The following SMAD2 variants were observed in gnomAD, a reference collection of about 807,000 sequenced individuals.
The protein encoded by SMAD2 is MAD homolog 2.
Under a neutral mutation model 64.4 loss-of-function variants are expected in SMAD2, and 8 were observed. That is an observed-to-expected ratio of 0.12 (90% CI 0.07 to 0.22). The LOEUF is 0.22. Among genes scored for constraint, SMAD2 ranks in the 10% least tolerant of loss-of-function variants. SMAD2 has a pLI of 1.00. For missense variants in SMAD2, 289 were observed against 561.2 expected (o/e 0.51, Z 4.90); for synonymous variants, 203 against 195.8 (o/e 1.04, Z -0.31).
Position 47,826,092 on chromosome 18 carries a change from C to G in SMAD2, c.*15735G>C. The stretch of plus-strand genomic sequence containing the variant: ...ATGTGATAATGGCCAGGAGCAACCA[C>G]AATGATTAACCTTTAGATAGAAAAC... On this transcript the variant is annotated 3_prime_UTR_variant, in exon 11 of 11. Coordinates refer to ENST00000262160, the MANE Select transcript of SMAD2 (RefSeq NM_005901.6). 6.6e-6 allele frequency: 1 copy of G among 152,218 alleles called. No homozygotes were observed. Among genetic ancestry groups the G allele is most frequent in the Non-Finnish European group, 1.5e-5 (1 of 68,052 alleles). The allele number at this position is 152,218 out of a possible 1,614,324, so 9.4% of individuals were successfully genotyped here.
rs2282656 is a variant in SMAD2 at position 47,848,683 on chromosome 18, T to C, written c.789A>G (p.Leu263=). 1.4e-4 allele frequency: 231 copies of C among 1,607,872 alleles called. No individual in the cohort carries two copies. The East Asian group carries it at 4.7e-3, about 33-fold the overall frequency. ...TLSPVNHSLD[L]QPVTYSEPAF... ...CAGGTTCTGAGTAAGTAACTGGCTG[T>C]AAATCTGAAAAAGAAAAAAATAAAA... is the stretch of plus-strand genomic sequence containing the variant. The change falls in exon 8 of 11, where the codon TTA becomes TTG. Residue 263 remains leucine (L), a synonymous_variant. Coordinates refer to ENST00000262160, the MANE Select transcript of SMAD2 (RefSeq NM_005901.6).
In SMAD2 at chr18:47,813,781, G is replaced by C. The variant is rs1263672208; in HGVS notation, c.*28046C>G. 1 of 130,988 alleles carries C rather than the reference G, an allele frequency of 7.6e-6. No individual in the cohort carries two copies. The highest frequency in any genetic ancestry group is 2.9e-5 in the African/African-American group (1 of 34,596). 8.1% of individuals were successfully genotyped at this position (130,988 alleles called of 1,614,324 possible). A position where few individuals can be genotyped will look rare whatever the true frequency, so the allele number is the denominator to read the frequency against. ...TGATCAGGCTGGAAACCTGGGTCTT[G>C]AATAATGGATACATTTGGAAGTGCA... On this transcript the variant is annotated 3_prime_UTR_variant, in exon 11 of 11. Transcript: ENST00000262160.
In SMAD2 at chr18:47,818,941, C is replaced by T. The variant is rs1252884600; in HGVS notation, c.*22886G>A. ...GCAAGCCTGTATTACTATCGTATGA[C>T]TAAAATTCTAAAATGAAAGCTATGT... On this transcript the variant is annotated 3_prime_UTR_variant, in exon 11 of 11. Coordinates refer to ENST00000262160, the MANE Select transcript of SMAD2 (RefSeq NM_005901.6). 1.3e-5 allele frequency: 2 copies of T among 152,180 alleles called. No homozygotes were observed. The highest frequency in any genetic ancestry group is 4.8e-5 in the African/African-American group (2 of 41,448). 9.4% of individuals were successfully genotyped at this position (152,180 alleles called of 1,614,324 possible).
chr18:47,918,008 CATTG>C (rs1297648559), intron 1 of SMAD2, among the ~76,000 whole-genome samples: 2 of 152,138 alleles, frequency 1.3e-5, no homozygotes, highest in Admixed American at 6.5e-5. Context: ...AGCTGAAAAC[CATTG>C]ATTAACACAG....
chr18:47,885,594 C>G (rs2032859552), intron 2 of SMAD2, among the ~76,000 whole-genome samples: 1 of 152,150 alleles, frequency 6.6e-6, no homozygotes, highest in South Asian at 2.1e-4. Context: ...CATGGTTGGT[C>G]TCTGTATATG....
rs1179746420 is a variant in SMAD2, at chr18:47,831,607, G to C, written c.*10220C>G. ...CAATAAAGTCATGCAGTTTGGACGG[G>C]AGCACAGTAATACATTCTGTTCTCA... On this transcript the variant is annotated 3_prime_UTR_variant, in exon 11 of 11. Coordinates refer to ENST00000262160, the MANE Select transcript of SMAD2 (RefSeq NM_005901.6). The C allele has an allele frequency of 6.6e-6, 1 of 152,190 alleles. No homozygotes were observed. Among genetic ancestry groups the C allele is most frequent in the Non-Finnish European group, 1.5e-5 (1 of 68,032 alleles). The allele number at this position is 152,190 out of a possible 1,614,324, so 9.4% of individuals were successfully genotyped here. A position where few individuals can be genotyped will look rare whatever the true frequency, so the allele number is the denominator to read the frequency against.
chr18:47,874,684 T>C (rs780308061), intron 2 of SMAD2, among the ~76,000 whole-genome samples: 16 of 152,136 alleles, frequency 1.1e-4, no homozygotes, highest in African/African-American at 1.9e-4. Flanking sequence ...TGCTACTCCC[T>C]GTATTAAAAA....
At chr18:47,851,413 T>C in intron 6 of SMAD2, 86 bp from the exon 7 acceptor site, 1 of 821,764 alleles carries the variant, frequency 1.2e-6, no homozygotes, top group Non-Finnish European at 2.1e-6. Context: ...CTGGTTATAA[T>C]TATCAACAAT....
chr18:47,906,217 G>C (rs1445996841), intron 1 of SMAD2, among the ~76,000 whole-genome samples: 3 of 151,814 alleles, frequency 2.0e-5, no homozygotes, highest in Middle Eastern at 6.3e-3. Flanking sequence ...GAAACTTCTT[G>C]AGTACCAACA....
Position 47,834,056 on chromosome 18 carries a change from A to G in SMAD2, c.*7771T>C. ...CACCACCATACTGGTACCTTCAGCT[A>G]TTACCTGTGTTATAAATCTCATGTT... is the stretch of plus-strand genomic sequence containing the variant. On this transcript the variant is annotated 3_prime_UTR_variant, in exon 11 of 11. Transcript: ENST00000262160. 1 of 218,512 alleles carries G rather than the reference A, an allele frequency of 4.6e-6. No homozygotes were observed. The highest frequency in any genetic ancestry group is 9.2e-6 in the Non-Finnish European group (1 of 108,886). 13.5% of individuals were successfully genotyped at this position (218,512 alleles called of 1,614,324 possible).
intron 10 of SMAD2, 162 bp downstream of exon 10, chr18:47,845,178 C>A: frequency 5.5e-6 from 4 of 731,728 alleles, no homozygotes; most frequent in Non-Finnish European, 9.6e-6. Flanking sequence ...CAGTAATTTG[C>A]AACAGTTTTG....
chr18:47,859,258 A>G (rs1333798498), intron 6 of SMAD2, among the ~76,000 whole-genome samples: 1 of 152,184 alleles, frequency 6.6e-6, no homozygotes, highest in Non-Finnish European at 1.5e-5. Flanking sequence ...AAATTTTAAC[A>G]CTTATCATAA....
intron 1 of SMAD2, among the ~76,000 whole-genome samples, chr18:47,909,230 T>C (rs7240327): frequency 0.019 from 2,893 of 152,306 alleles, 107 homozygotes; most frequent in African/African-American, 0.066. Context: ...CTATAGACTA[T>C]TACATGGTTT....
intron 2 of SMAD2, among the ~76,000 whole-genome samples, chr18:47,894,229 A>G (rs2033334221): frequency 6.6e-6 from 1 of 152,172 alleles, no homozygotes; most frequent in Admixed American, 6.5e-5. Context: ...ACATGGCTCT[A>G]TCTCTGCTGT....
rs2031725281 is a variant in SMAD2 at position 47,868,469 on chromosome 18, C to T, written c.521-12G>A. ...TACTGGAGGCAAAACTGAAAAAGTT[C>T]AAGAAATCCAAGTTAATGGCAAAGA... On this transcript the variant is annotated splice_polypyrimidine_tract_variant and intron_variant, in intron 4 of 10. Transcript: ENST00000262160. 1 of 1,609,266 alleles carries T rather than the reference C, an allele frequency of 6.2e-7. No homozygotes were observed. Among genetic ancestry groups the T allele is most frequent in the Non-Finnish European group, 8.5e-7 (1 of 1,177,762 alleles).
At chr18:47,927,781 C>T (rs908120196) in intron 1 of SMAD2, among the ~76,000 whole-genome samples, 18 of 152,140 alleles carry the variant, frequency 1.2e-4, no homozygotes, top group Non-Finnish European at 1.8e-4. Flanking sequence ...TGCCTGTAAT[C>T]CCAGCTACTC....
chr18:47,868,824 T>C (rs2031751592), intron 4 of SMAD2, among the ~76,000 whole-genome samples: 1 of 152,216 alleles, frequency 6.6e-6, no homozygotes, highest in Admixed American at 6.5e-5. Flanking sequence ...TTTAATAGTT[T>C]CAGGTAGACA....
chr18:47,923,375 C>CTA (rs2034641146), intron 1 of SMAD2, among the ~76,000 whole-genome samples: 1 of 152,304 alleles, frequency 6.6e-6, no homozygotes, highest in South Asian at 2.1e-4. Context: ...AAAGCAAAGT[C>CTA]TAGAGTAGTG....
chr18:47,917,215 T>C (rs2034373607), intron 1 of SMAD2, among the ~76,000 whole-genome samples: 1 of 152,244 alleles, frequency 6.6e-6, no homozygotes, highest in Admixed American at 6.5e-5. Flanking sequence ...TTTTTAAATC[T>C]ACCCTTTCAT....
Sources: allele counts gnomAD v4.1 joint callset (sites outside exome capture counted in the v4.1 genomes callset), GRCh38; gene constraint gnomAD v4.1.1; transcripts MANE v1.5; gene names NCBI Gene and HGNC (gene_info 2026-07-23, HGNC 2026-07-21).